Variants in MED13L observed in about 807,000 individuals in gnomAD.
MED13L encodes the protein mediator complex subunit 13L.
Under a neutral mutation model 220.9 loss-of-function variants are expected in MED13L, and 7 were observed. The ratio of observed to expected loss-of-function variants is 0.03; its 90% CI spans 0.02 to 0.06. The LOEUF is 0.06. Among genes scored for constraint, MED13L ranks in the 10% least tolerant of loss-of-function variants. The probability of loss-of-function intolerance (pLI) is 1.00; values close to 1 mark genes in which losing one functional copy is unlikely to be tolerated. For missense variants in MED13L, 1,965 were observed against 2,760.5 expected (o/e 0.71, Z 6.46); for synonymous variants, 1,011 against 1,015.2 (o/e 1.00, Z 0.08).
At chr12:116,103,977 C>T (rs892262521) in intron 3 of MED13L, among the ~76,000 whole-genome samples, 1 of 150,802 alleles carries the variant, frequency 6.6e-6, no homozygotes, top group Non-Finnish European at 1.5e-5. Flanking sequence ...ATCCCTTCAC[C>T]ACCACATCCA....
At chr12:116,076,574 G>A (rs775286003) in intron 4 of MED13L, among the ~76,000 whole-genome samples, 31 of 151,964 alleles carry the variant, frequency 2.0e-4, no homozygotes, top group Admixed American at 2.0e-4. Flanking sequence ...ACTACAAAAC[G>A]CACTCACTAA....
chr12:116,174,070 G>A (rs984598553), intron 2 of MED13L, among the ~76,000 whole-genome samples: 1 of 152,066 alleles, frequency 6.6e-6, no homozygotes, highest in Non-Finnish European at 1.5e-5. Context: ...CTCTAGTCTG[G>A]GTTACAGAGC....
chr12:116,014,867 T>C (rs1036750510), intron 8 of MED13L, among the ~76,000 whole-genome samples: 1 of 152,202 alleles, frequency 6.6e-6, no homozygotes, highest in Non-Finnish European at 1.5e-5. Context: ...GTCAACACCA[T>C]GCCAATCTGT....
chr12:116,253,044 C>T (rs1871698673), intron 1 of MED13L, among the ~76,000 whole-genome samples: 1 of 152,024 alleles, frequency 6.6e-6, no homozygotes, highest in East Asian at 1.9e-4. Flanking sequence ...GGTGGATCAC[C>T]TGAGGTCAGG....
In MED13L at chr12:115,975,559, C is replaced by T. The variant is rs752928534; in HGVS notation, c.5544G>A (p.Gly1848=). ...WLLASCTDLH[G]ELLETCVVNI... ...TTACAACGCAGGTCTCTAATAATTCCCCATGGAGGTCAGTGCAGGAAGCCA... is the reference window on the plus strand; with the variant it reads ...TTACAACGCAGGTCTCTAATAATTCTCCATGGAGGTCAGTGCAGGAAGCCA... The change falls in exon 24 of 31, where the codon GGG becomes GGA. Residue 1848 remains glycine (G), a synonymous_variant. Transcript: ENST00000281928. 6.2e-7 allele frequency: 1 copy of T among 1,614,088 alleles called. No homozygotes were observed. The highest frequency in any genetic ancestry group is 1.7e-5 in the Admixed American group (1 of 60,014).
chr12:116,081,631 C>T (rs968533110), intron 4 of MED13L, among the ~76,000 whole-genome samples: 2 of 152,176 alleles, frequency 1.3e-5, no homozygotes, highest in African/African-American at 4.8e-5. Context: ...CATCTGTAAT[C>T]CCAGCACTTT....
At chr12:116,276,481 C>G in intron 1 of MED13L, 3 of 1,288,324 alleles carry the variant, frequency 2.3e-6, no homozygotes, top group Non-Finnish European at 3.0e-6. Flanking sequence ...TAGTAAGCCC[C>G]GAGAGGCAGG....
intron 3 of MED13L, among the ~76,000 whole-genome samples, chr12:116,103,468 T>A (rs1038478096): frequency 3.3e-5 from 5 of 152,158 alleles, no homozygotes; most frequent in Admixed American, 2.0e-4. Context: ...TATTTTTATT[T>A]AGAGATGGGG....
intron 3 of MED13L, among the ~76,000 whole-genome samples, chr12:116,110,584 CA>C (rs1400197398): frequency 6.6e-6 from 1 of 152,084 alleles, no homozygotes; most frequent in Non-Finnish European, 1.5e-5. Flanking sequence ...TATACAATCT[CA>C]TTGTATCTGG....
chr12:116,086,930 A>G (rs565804632), intron 4 of MED13L, among the ~76,000 whole-genome samples: 1 of 152,342 alleles, frequency 6.6e-6, no homozygotes, highest in Non-Finnish European at 1.5e-5. Context: ...TAAAATTAGA[A>G]AACAGCTGAT....
At chr12:116,272,127 A>G (rs572047568) in intron 1 of MED13L, among the ~76,000 whole-genome samples, 1 of 152,308 alleles carries the variant, frequency 6.6e-6, no homozygotes, top group South Asian at 2.1e-4. Flanking sequence ...ATATTTACAT[A>G]TTTTCATTGA....
chr12:116,138,090 A>G (rs1022307286), intron 2 of MED13L, among the ~76,000 whole-genome samples: 3 of 152,080 alleles, frequency 2.0e-5, no homozygotes, highest in Non-Finnish European at 4.4e-5. Flanking sequence ...TCCTGACCTC[A>G]GGCAATCCGC....
intron 1 of MED13L, among the ~76,000 whole-genome samples, chr12:116,250,886 AT>A (rs553526195): frequency 1.3e-5 from 2 of 151,946 alleles, no homozygotes; most frequent in Non-Finnish European, 2.9e-5. Context: ...CATGTCAGAT[AT>A]AGAAAGAAGA....
intron 4 of MED13L, among the ~76,000 whole-genome samples, chr12:116,062,248 G>A (rs1413614701): frequency 1.3e-5 from 2 of 151,630 alleles, no homozygotes; most frequent in Non-Finnish European, 2.9e-5. Flanking sequence ...CACCTCCCAG[G>A]CTCAAGTGAT....
At chr12:115,972,272 G>C in intron 25 of MED13L, 36 bp from the exon 26 acceptor site, 1 of 1,607,224 alleles carries the variant, frequency 6.2e-7, no homozygotes, top group Non-Finnish European at 8.5e-7. Context: ...ACAGTCTTTA[G>C]AAATTCATAC....
chr12:116,236,796 C>G (rs61935858), intron 2 of MED13L: 97,208 of 951,980 alleles, frequency 0.1, 5,345 homozygotes, highest in Non-Finnish European at 0.11. Context: ...ATATATAAAG[C>G]AGCACAGAAA....
rs186425921 is a variant in MED13L, at chr12:116,205,130, G to A, written c.310+32338C>T. On this transcript the variant is annotated intron_variant, in intron 2 of 30. Coordinates refer to ENST00000281928, the MANE Select transcript of MED13L (RefSeq NM_015335.5). ...GTCGCCAAATCCTAACCAGAACTCA[G>A]AAAATGGTGAACAAAAACGGTGCCT... Among the ~76,000 whole-genome samples, 9 of 152,196 alleles carry A rather than the reference G, an allele frequency of 5.9e-5. No homozygotes were observed. The East Asian group carries it at 1.7e-3, about 29-fold the overall frequency.
chr12:116,148,049 C>A (rs1195771894), intron 2 of MED13L, among the ~76,000 whole-genome samples: 1 of 27,962 alleles, frequency 3.6e-5, no homozygotes. Context: ...AAGACCCCAT[C>A]TCAAAAAAAA....
At chr12:116,259,861 A>G (rs750838166) in intron 1 of MED13L, among the ~76,000 whole-genome samples, 2 of 152,272 alleles carry the variant, frequency 1.3e-5, no homozygotes, top group Non-Finnish European at 2.9e-5. Context: ...ATAAAATTGT[A>G]TAAAATTTTT....
Sources: allele counts gnomAD v4.1 joint callset (sites outside exome capture counted in the v4.1 genomes callset), GRCh38; gene constraint gnomAD v4.1.1; transcripts MANE v1.5; gene names NCBI Gene and HGNC (gene_info 2026-07-23, HGNC 2026-07-21).